The following HHAT variants were observed in gnomAD, a reference collection of about 807,000 sequenced individuals.
The protein encoded by HHAT is protein-cysteine N-palmitoyltransferase HHAT.
In HHAT, 47 loss-of-function variants were observed where a neutral mutation model predicts 70.8. That is an observed-to-expected ratio of 0.66 (90% CI 0.53 to 0.85). HHAT has a LOEUF of 0.85. HHAT is among the 40% of genes least tolerant of loss of function. The probability of loss-of-function intolerance (pLI) is 0.00; values close to 1 mark genes in which losing one functional copy is unlikely to be tolerated. For synonymous variants in HHAT, 228 were observed against 247.6 expected (o/e 0.92, Z 0.74); for missense variants, 609 against 604.8 (o/e 1.01, Z -0.07).
intron 8 of HHAT, among the ~76,000 whole-genome samples, chr1:210,501,548 A>G (rs1007703331): frequency 6.6e-6 from 1 of 152,252 alleles, no homozygotes; most frequent in Non-Finnish European, 1.5e-5. Context: ...TGCCTGCAGC[A>G]CCAAAGTGGG....
intron 9 of HHAT, among the ~76,000 whole-genome samples, chr1:210,516,421 G>T (rs1434053210): frequency 2.0e-5 from 3 of 152,140 alleles, no homozygotes; most frequent in Admixed American, 2.0e-4. Flanking sequence ...TAGGTGGAGA[G>T]AAGTAGAGCC....
chr1:210,454,368 A>G (rs1038064407), intron 7 of HHAT, among the ~76,000 whole-genome samples: 7 of 152,196 alleles, frequency 4.6e-5, no homozygotes, highest in African/African-American at 1.7e-4. Flanking sequence ...CCTGGTGAAC[A>G]TGGTGAAACC....
At chr1:210,649,300 AT>A (rs1674663736) in intron 11 of HHAT, among the ~76,000 whole-genome samples, 2 of 152,308 alleles carry the variant, frequency 1.3e-5, no homozygotes, top group East Asian at 3.9e-4. Context: ...ATAGAGACTC[AT>A]TTTCATGATT....
At chr1:210,594,607 T>C (rs2148805395) in intron 10 of HHAT, among the ~76,000 whole-genome samples, 1 of 152,294 alleles carries the variant, frequency 6.6e-6, no homozygotes, top group Non-Finnish European at 1.5e-5. Context: ...ATTGTTATAG[T>C]ATTCTGTGTT....
At chr1:210,503,839 A>T (rs757350378) in intron 8 of HHAT, among the ~76,000 whole-genome samples, 5 of 152,214 alleles carry the variant, frequency 3.3e-5, no homozygotes, top group Non-Finnish European at 2.9e-5. Context: ...AAGCAAGATG[A>T]ATTTAGACCC....
chr1:210,455,107 C>G (rs899877143), intron 7 of HHAT, among the ~76,000 whole-genome samples: 10 of 152,164 alleles, frequency 6.6e-5, no homozygotes, highest in Non-Finnish European at 1.2e-4. Context: ...CTTTCTGGGG[C>G]TGACTCTTGA....
At chr1:210,525,692 C>G (rs1040127690) in intron 9 of HHAT, among the ~76,000 whole-genome samples, 2 of 152,120 alleles carry the variant, frequency 1.3e-5, no homozygotes, top group Non-Finnish European at 2.9e-5. Context: ...AATTTAGTTC[C>G]CACCATATAT....
At chr1:210,464,350 C>G (rs1237220486) in intron 7 of HHAT, among the ~76,000 whole-genome samples, 155 bp from the exon 8 acceptor site, 1 of 152,026 alleles carries the variant, frequency 6.6e-6, no homozygotes, top group Non-Finnish European at 1.5e-5. Context: ...TTGAATAAAA[C>G]CAGTGTGGAA....
chr1:210,535,263 A>G (rs923083931), intron 9 of HHAT, among the ~76,000 whole-genome samples: 36 of 152,132 alleles, frequency 2.4e-4, no homozygotes, highest in African/African-American at 8.5e-4. Flanking sequence ...CATTTGCCAA[A>G]TAGAAGACAG....
intron 9 of HHAT, among the ~76,000 whole-genome samples, chr1:210,586,252 A>C (rs1660413196): frequency 6.6e-6 from 1 of 152,082 alleles, no homozygotes; most frequent in Admixed American, 6.6e-5. Flanking sequence ...AGACCAGCCT[A>C]GGCAACTTTT....
In HHAT at chr1:210,355,044, T is replaced by C. The variant is rs1462813611; in HGVS notation, c.91+5978T>C. On this transcript the variant is annotated intron_variant, in intron 2 of 11. Coordinates refer to ENST00000261458, the MANE Select transcript of HHAT (RefSeq NM_018194.6). The stretch of plus-strand genomic sequence containing the variant: ...TGGTTGTCTTCATAATAGATTCTGC[T>C]AAAACTTAAGATTATTTCTGAGTCT... 3.3e-5 allele frequency among the ~76,000 whole-genome samples: 5 copies of C among 152,216 alleles called. No homozygotes were observed. In the East Asian group the frequency reaches 9.6e-4, roughly 29 times the overall value.
intron 9 of HHAT, among the ~76,000 whole-genome samples, chr1:210,548,200 G>A (rs183317204): frequency 3.3e-5 from 5 of 152,316 alleles, no homozygotes; most frequent in Admixed American, 1.3e-4. Context: ...GGAAAGCACC[G>A]AAGAACACCT....
At chr1:210,533,185 C>T (rs371547240) in intron 9 of HHAT, among the ~76,000 whole-genome samples, 1 of 144,510 alleles carries the variant, frequency 6.9e-6, no homozygotes, top group East Asian at 1.9e-4. Flanking sequence ...TCACTGGCAC[C>T]TGAATTTGGA....
intron 3 of HHAT, among the ~76,000 whole-genome samples, chr1:210,373,526 C>G (rs1402255842): frequency 6.6e-6 from 1 of 152,134 alleles, no homozygotes; most frequent in Non-Finnish European, 1.5e-5. Context: ...GGGGAACTGA[C>G]TGATGCTACT....
chr1:210,498,917 C>A (rs114488485), intron 8 of HHAT, among the ~76,000 whole-genome samples: 1,973 of 151,820 alleles, frequency 0.013, 41 homozygotes, highest in African/African-American at 0.045. Flanking sequence ...TTATAGGTGC[C>A]CATGACCGTG....
At chr1:210,345,120 G>T (rs1371901080) in intron 1 of HHAT, among the ~76,000 whole-genome samples, 1 of 152,118 alleles carries the variant, frequency 6.6e-6, no homozygotes, top group Non-Finnish European at 1.5e-5. Context: ...TTTTGCAAGT[G>T]GTGAGCAGCT....
rs1319096505 is a variant in HHAT, at chr1:210,571,464, A to G, written c.1044-16434A>G. Reference sequence around the variant, plus strand: ...GGGTGGGAAGAGCTTGGAACAGCACATCTTTCATTTGGACCCAGCTGCTTC... The same window carrying G: ...GGGTGGGAAGAGCTTGGAACAGCACGTCTTTCATTTGGACCCAGCTGCTTC... On this transcript the variant is annotated intron_variant, in intron 9 of 11. Transcript: ENST00000261458. 2.0e-5 allele frequency among the ~76,000 whole-genome samples: 3 copies of G among 152,092 alleles called. No individual in the cohort carries two copies. In the East Asian group the frequency reaches 5.8e-4, roughly 29 times the overall value.
chr1:210,572,516 A>G (rs1421111706), intron 9 of HHAT, among the ~76,000 whole-genome samples: 1 of 152,160 alleles, frequency 6.6e-6, no homozygotes, highest in Non-Finnish European at 1.5e-5. Context: ...GTGTGTATTT[A>G]AGAAAGCCCA....
intron 10 of HHAT, among the ~76,000 whole-genome samples, chr1:210,598,575 G>A (rs1663541143): frequency 1.3e-5 from 2 of 152,208 alleles, no homozygotes; most frequent in Non-Finnish European, 2.9e-5. Flanking sequence ...GCACTGGGCT[G>A]AGTTCTGCCC....
Sources: gnomAD v4.1 joint callset for allele counts (sites outside exome capture counted in the v4.1 genomes callset) on GRCh38, gnomAD v4.1.1 for gene constraint, MANE v1.5 for transcripts, NCBI Gene and HGNC (gene_info 2026-07-23, HGNC 2026-07-21) for gene names.